SCG5: variants seen among roughly 807,000 people sequenced by gnomAD.
SCG5 encodes the protein neuroendocrine protein 7B2.
Under a neutral mutation model 25.7 loss-of-function variants are expected in SCG5, and 18 were observed. The observed-to-expected ratio is 0.70, with a 90% CI of 0.48 to 1.04. The LOEUF (loss-of-function observed/expected upper bound fraction) is 1.04, where lower values mean the gene tolerates loss of function less well. Among genes scored for constraint, SCG5 ranks in the 50% least tolerant of loss-of-function variants. The pLI is 0.00. For synonymous variants in SCG5, 101 were observed against 91.7 expected (o/e 1.10, Z -0.58); for missense variants, 206 against 259.8 (o/e 0.79, Z 1.42).
chr15:32,676,835 T>C (rs1226102740), intron 2 of SCG5, among the ~76,000 whole-genome samples: 1 of 152,204 alleles, frequency 6.6e-6, no homozygotes, highest in African/African-American at 2.4e-5. Flanking sequence ...AAATGAAACA[T>C]TTATACCCTT....
intron 5 of SCG5, 34 bp downstream of exon 5, chr15:32,691,797 G>A: frequency 2.5e-6 from 4 of 1,607,746 alleles, no homozygotes; most frequent in Non-Finnish European, 3.4e-6. Context: ...TTGCGGGGAT[G>A]CTTGGAGCTT....
At chr15:32,642,286 G>A (rs1026509666) in intron 1 of SCG5, among the ~76,000 whole-genome samples, 2 of 151,944 alleles carry the variant, frequency 1.3e-5, no homozygotes, top group East Asian at 3.9e-4. Flanking sequence ...GGTTTGCGCC[G>A]GTCCTGGTGG....
intron 3 of SCG5, 120 bp downstream of exon 3, chr15:32,680,035 G>T: frequency 1.1e-6 from 1 of 902,950 alleles, no homozygotes; most frequent in Non-Finnish European, 1.7e-6. Context: ...GAGCCCATGT[G>T]TATTTGTAAG....
At chr15:32,680,232 G>A (rs1164268849) in intron 3 of SCG5, among the ~76,000 whole-genome samples, 1 of 134,332 alleles carries the variant, frequency 7.4e-6, no homozygotes, top group Non-Finnish European at 1.5e-5. Flanking sequence ...GTCTCGCTGT[G>A]TCACCCAGGC....
intron 2 of SCG5, among the ~76,000 whole-genome samples, chr15:32,673,527 CGTGTGTGT>C (rs55968956): frequency 1.2e-4 from 16 of 134,878 alleles, no homozygotes; most frequent in Admixed American, 3.7e-4. Context: ...ATAAGATCCC[CGTGTGTGT>C]GTGTGTGTGT....
At chr15:32,689,083 A>G (rs1595820396) in intron 4 of SCG5, among the ~76,000 whole-genome samples, 1 of 152,136 alleles carries the variant, frequency 6.6e-6, no homozygotes, top group African/African-American at 2.4e-5. Context: ...TGCTTACCAG[A>G]TTCAATAATG....
intron 3 of SCG5, among the ~76,000 whole-genome samples, chr15:32,683,542 A>G (rs111809167): frequency 4.6e-5 from 7 of 152,366 alleles, no homozygotes; most frequent in African/African-American, 1.4e-4. Context: ...TGTCAGTCAA[A>G]GGGAGATAAT....
intron 2 of SCG5, among the ~76,000 whole-genome samples, chr15:32,656,905 T>C (rs1237736904): frequency 6.6e-6 from 1 of 151,612 alleles, no homozygotes. Context: ...GCACTGGCGG[T>C]GGAGGCTGGG....
chr15:32,695,540 A>G (rs1396802451), intron 5 of SCG5, among the ~76,000 whole-genome samples: 1 of 152,148 alleles, frequency 6.6e-6, no homozygotes, highest in African/African-American at 2.4e-5. Context: ...CAGAGTATGG[A>G]GTCTTGAGTC....
intron 2 of SCG5, among the ~76,000 whole-genome samples, chr15:32,655,834 C>T (rs1003396152): frequency 6.6e-6 from 1 of 152,288 alleles, no homozygotes; most frequent in South Asian, 2.1e-4. Context: ...CTTGGACTTC[C>T]CAGCCCCACA....
At chr15:32,681,251 A>G (rs1029069367) in intron 3 of SCG5, among the ~76,000 whole-genome samples, 6 of 152,108 alleles carry the variant, frequency 3.9e-5, no homozygotes, top group East Asian at 1.9e-4. Context: ...ATTGCTTTCA[A>G]TAGGAAAAAC....
intron 2 of SCG5, among the ~76,000 whole-genome samples, chr15:32,656,794 G>A (rs1280764780): frequency 6.6e-6 from 1 of 152,190 alleles, no homozygotes; most frequent in African/African-American, 2.4e-5. Context: ...AACTGTCGAA[G>A]GCGGCTGGAA....
intron 2 of SCG5, among the ~76,000 whole-genome samples, chr15:32,673,339 G>A (rs759834445): frequency 2.9e-4 from 44 of 152,068 alleles, no homozygotes; most frequent in Non-Finnish European, 1.3e-4. Context: ...GCACTCTCTC[G>A]GAGCTAATTT....
At chr15:32,659,793 G>C (rs1036783890) in intron 2 of SCG5, among the ~76,000 whole-genome samples, 2 of 152,122 alleles carry the variant, frequency 1.3e-5, no homozygotes, top group African/African-American at 4.8e-5. Flanking sequence ...CTGCTGGGAA[G>C]AATCCCTTTG....
At position 32,691,691 on chromosome 15, in the gene SCG5, T is replaced by C. The variant is rs201162401; in HGVS notation, c.490-19T>C. ...ATCCATACTTCTGCATTTTTTGTTT[T>C]CTTTTCTCCCCATTCTAGAACAAGA... On this transcript the variant is annotated intron_variant, in intron 4 of 5. Coordinates refer to ENST00000300175, the MANE Select transcript of SCG5 (RefSeq NM_001144757.3). The C allele has an allele frequency of 1.9e-6, 3 of 1,590,386 alleles. No homozygotes were observed. Among genetic ancestry groups the C allele is most frequent in the Non-Finnish European group, 2.6e-6 (3 of 1,167,798 alleles).
chr15:32,656,787 T>G (rs1258822890), intron 2 of SCG5, among the ~76,000 whole-genome samples: 1 of 152,216 alleles, frequency 6.6e-6, no homozygotes, highest in Non-Finnish European at 1.5e-5. Context: ...TAAAGAGAAC[T>G]GTCGAAGGCG....
At chr15:32,660,641 G>T (rs1228488718) in intron 2 of SCG5, among the ~76,000 whole-genome samples, 1 of 152,186 alleles carries the variant, frequency 6.6e-6, no homozygotes, top group Non-Finnish European at 1.5e-5. Flanking sequence ...AGAGATGCAC[G>T]CATGATACCC....
chr15:32,662,746 A>C (rs1307654738), intron 2 of SCG5, among the ~76,000 whole-genome samples: 1 of 152,070 alleles, frequency 6.6e-6, no homozygotes, highest in South Asian at 2.1e-4. Context: ...AGAAGAGGGA[A>C]GAATGGCGAG....
At chr15:32,684,491 T>A in intron 3 of SCG5, 66 bp from the exon 4 acceptor site, 1 of 1,034,152 alleles carries the variant, frequency 9.7e-7, no homozygotes. Flanking sequence ...TTGTTTTTGA[T>A]AAATTAACTC....
Sources: allele counts gnomAD v4.1 joint callset (sites outside exome capture counted in the v4.1 genomes callset), GRCh38; gene constraint gnomAD v4.1.1; transcripts MANE v1.5; gene names NCBI Gene and HGNC (gene_info 2026-07-23, HGNC 2026-07-21).